KIF16B: variants seen among roughly 807,000 people sequenced by gnomAD.
KIF16B encodes the protein kinesin-like protein KIF16B.
KIF16B carries 98 observed loss-of-function variants against 156.3 expected under a neutral mutation model. That is an observed-to-expected ratio of 0.63 (90% CI 0.53 to 0.74). The LOEUF (loss-of-function observed/expected upper bound fraction) is 0.74. KIF16B is among the 30% of genes least tolerant of loss of function. The pLI is 0.00. For missense variants in KIF16B, 1,421 were observed against 1,606.5 expected (o/e 0.88, Z 1.97); for synonymous variants, 564 against 583.7 (o/e 0.97, Z 0.49).
chr20:16,431,255 A>G (rs1479407130), intron 12 of KIF16B, among the ~76,000 whole-genome samples: 1 of 152,216 alleles, frequency 6.6e-6, no homozygotes, highest in African/African-American at 2.4e-5. Flanking sequence ...TTCAGCAGCC[A>G]GAAGGCCATC....
chr20:16,532,046 C>T (rs1426460317), intron 1 of KIF16B, among the ~76,000 whole-genome samples: 5 of 128,416 alleles, frequency 3.9e-5, no homozygotes, highest in South Asian at 4.8e-4. Context: ...CCAGACTGGA[C>T]GACAAGAGCA....
At chr20:16,494,443 T>A in intron 11 of KIF16B, 93 bp from the exon 12 acceptor site, 2 of 742,916 alleles carry the variant, frequency 2.7e-6, no homozygotes, top group Non-Finnish European at 4.4e-6. Flanking sequence ...TGGAAAGATG[T>A]ACTATAATTT....
intron 17 of KIF16B, among the ~76,000 whole-genome samples, chr20:16,402,325 T>C (rs759703140): frequency 4.6e-5 from 7 of 152,216 alleles, no homozygotes; most frequent in Non-Finnish European, 1.0e-4. Context: ...AATTATCTGT[T>C]GACTGTGTCT....
At chr20:16,385,358 G>T (rs1283107117) in intron 17 of KIF16B, among the ~76,000 whole-genome samples, 1 of 152,082 alleles carries the variant, frequency 6.6e-6, no homozygotes, top group Admixed American at 6.5e-5. Context: ...TGGTAGGGGT[G>T]GTAAAGAGAA....
intron 15 of KIF16B, among the ~76,000 whole-genome samples, chr20:16,410,244 CAT>C (rs527900754): frequency 3.6e-5 from 5 of 137,084 alleles, no homozygotes; most frequent in Admixed American, 2.9e-4. Context: ...TATGTAGGTA[CAT>C]ATATATATGT....
At chr20:16,433,402 A>G (rs753489815) in intron 12 of KIF16B, among the ~76,000 whole-genome samples, 7 of 152,010 alleles carry the variant, frequency 4.6e-5, no homozygotes, top group Non-Finnish European at 1.0e-4. Context: ...CTCCCACTCA[A>G]ACTACAGAAA....
At chr20:16,451,972 T>C (rs1442218499) in intron 12 of KIF16B, among the ~76,000 whole-genome samples, 1 of 152,118 alleles carries the variant, frequency 6.6e-6, no homozygotes, top group East Asian at 1.9e-4. Flanking sequence ...AGAACCTCTT[T>C]ATGTTTACTC....
intron 12 of KIF16B, among the ~76,000 whole-genome samples, chr20:16,434,520 T>C (rs2066591533): frequency 1.3e-5 from 2 of 152,212 alleles, no homozygotes; most frequent in South Asian, 4.1e-4. Flanking sequence ...TTCCCCCTCT[T>C]AGAAAGTCTA....
At chr20:16,505,548 T>C (rs2068748609) in intron 9 of KIF16B, among the ~76,000 whole-genome samples, 174 bp downstream of exon 9, 1 of 152,244 alleles carries the variant, frequency 6.6e-6, no homozygotes, top group South Asian at 2.1e-4. Context: ...ATGATGATAC[T>C]ATAGACTGGA....
intron 22 of KIF16B, among the ~76,000 whole-genome samples, chr20:16,361,611 C>T (rs1000610602): frequency 1.4e-4 from 21 of 152,174 alleles, no homozygotes; most frequent in Non-Finnish European, 2.1e-4. Context: ...AGAAACAGTG[C>T]TAACCTTATC....
At chr20:16,554,906 T>G (rs1353906150) in intron 1 of KIF16B, among the ~76,000 whole-genome samples, 1 of 152,238 alleles carries the variant, frequency 6.6e-6, no homozygotes, top group African/African-American at 2.4e-5. Context: ...CCCACCCCAC[T>G]GCAGTCAGCA....
At chr20:16,306,432 C>T (rs904877734) in intron 25 of KIF16B, among the ~76,000 whole-genome samples, 1 of 152,130 alleles carries the variant, frequency 6.6e-6, no homozygotes, top group East Asian at 1.9e-4. Context: ...TAATCTTTAT[C>T]GTTTTGGACA....
At chr20:16,322,784 A>C (rs1393937157) in intron 24 of KIF16B, among the ~76,000 whole-genome samples, 2 of 152,024 alleles carry the variant, frequency 1.3e-5, no homozygotes, top group African/African-American at 2.4e-5. Flanking sequence ...GTAATGGAAA[A>C]ATGTAATGGA....
At chr20:16,526,303 C>T in intron 2 of KIF16B, 98 bp from the exon 3 acceptor site, 2 of 535,186 alleles carry the variant, frequency 3.7e-6, no homozygotes, top group Non-Finnish European at 6.6e-6. Context: ...CCATTTCATT[C>T]CTGCTGGCTT....
intron 24 of KIF16B, among the ~76,000 whole-genome samples, chr20:16,324,889 G>T (rs946789921): frequency 6.6e-6 from 1 of 151,902 alleles, no homozygotes; most frequent in African/African-American, 2.4e-5. Flanking sequence ...GAACATAGAT[G>T]CAAAAATCCT....
At chr20:16,437,976 T>TAAAAAAATA (rs2066689102) in intron 12 of KIF16B, among the ~76,000 whole-genome samples, 1 of 107,794 alleles carries the variant, frequency 9.3e-6, no homozygotes. Flanking sequence ...CTACTAAAAA[T>TAAAAAAATA]AAAAAAAAAT....
chr20:16,440,533 GCACACACACACA>G (rs71192333), intron 12 of KIF16B, among the ~76,000 whole-genome samples: 1,467 of 138,342 alleles, frequency 0.011, 11 homozygotes, highest in Middle Eastern at 0.043. Context: ...ACAAGCGCGC[GCACACACACACA>G]CACACACACA....
intron 23 of KIF16B, among the ~76,000 whole-genome samples, chr20:16,343,907 T>C (rs192861519): frequency 5.3e-5 from 8 of 152,282 alleles, no homozygotes; most frequent in African/African-American, 1.7e-4. Context: ...ATAAATACTA[T>C]GTACAGTTAG....
chr20:16,427,274 TC>T, intron 14 of KIF16B, 33 bp from the exon 15 acceptor site: 1 of 1,589,544 alleles, frequency 6.3e-7, no homozygotes, highest in East Asian at 2.3e-5. Flanking sequence ...AAAGAATTTT[TC>T]CCCCTTTTCT....
Sources: allele counts gnomAD v4.1 joint callset (sites outside exome capture counted in the v4.1 genomes callset), GRCh38; gene constraint gnomAD v4.1.1; transcripts MANE v1.5; gene names NCBI Gene and HGNC (gene_info 2026-07-23, HGNC 2026-07-21).